Variants in PKNOX2 observed in about 807,000 individuals in gnomAD.
PKNOX2 encodes the protein homeobox protein PKNOX2.
A neutral mutation model predicts 53.1 loss-of-function variants in PKNOX2; 14 were observed. The observed-to-expected ratio is 0.26, with a 90% confidence interval of 0.17 to 0.41. PKNOX2 has a LOEUF of 0.41. Ranked by LOEUF, PKNOX2 falls within the 10% of genes least tolerant of loss-of-function variation. The pLI, the probability that PKNOX2 is intolerant of heterozygous loss-of-function variation, is 1.00. For synonymous variants in PKNOX2, 257 were observed against 242.8 expected (o/e 1.06, Z -0.54); for missense variants, 496 against 602.8 (o/e 0.82, Z 1.85).
At position 125,351,285 on chromosome 11, in the gene PKNOX2, T is replaced by C. The variant is rs1229246101; in HGVS notation, c.-21T>C. The C allele has an allele frequency of 1.3e-5, 20 of 1,487,670 alleles. No homozygotes were observed. Among genetic ancestry groups the C allele is most frequent in the Non-Finnish European group, 1.8e-5 (19 of 1,069,698 alleles). The allele number at this position is 1,487,670 out of a possible 1,614,324, so 92.2% of individuals were successfully genotyped here. On this transcript the variant is annotated splice_region_variant and 5_prime_UTR_variant, in exon 4 of 13. Coordinates refer to ENST00000298282, the MANE Select transcript of PKNOX2 (RefSeq NM_001382323.2). Reference sequence around the variant, plus strand: ...CGGCCCCCTTTCTCCTGCCCACAGGTCCTCCATGTGAATCAATCCCATGAT... The same window carrying C: ...CGGCCCCCTTTCTCCTGCCCACAGGCCCTCCATGTGAATCAATCCCATGAT...
In PKNOX2 at chr11:125,166,035, C is replaced by T. The variant is rs962963685; in HGVS notation, c.-201+1259C>T. ...AATTGAGGGGTAGGGGCTTGTGGAT[C>T]GGCCTGAATTAGGGCTGGGTTTTAG... On this transcript the variant is annotated intron_variant, in intron 1 of 12. Transcript: ENST00000298282. The surrounding 1 kb of genome is among the most constrained non-coding windows in gnomAD (Gnocchi z 4.0). 2.0e-5 allele frequency among the ~76,000 whole-genome samples: 3 copies of T among 151,944 alleles called. No homozygotes were observed. Among genetic ancestry groups the T allele is most frequent in the African/African-American group, 2.4e-5 (1 of 41,364 alleles).
At position 125,202,424 on chromosome 11, in the gene PKNOX2, C is replaced by T. The variant is rs556495436; in HGVS notation, c.-200-32621C>T. ...TTCTAGAGCCCATCCTTCCTCTTTA[C>T]CTCTCCCCTCAGACCCCATACCCTC... On this transcript the variant is annotated intron_variant, in intron 1 of 12. Transcript: ENST00000298282. Among the ~76,000 whole-genome samples the T allele has an allele frequency of 9.2e-5, 14 of 152,308 alleles. 1 individual carries two copies. The East Asian group carries it at 2.5e-3, about 27-fold the overall frequency.
At chr11:125,272,581 A>G (rs1273642803) in intron 2 of PKNOX2, among the ~76,000 whole-genome samples, 1 of 152,078 alleles carries the variant, frequency 6.6e-6, no homozygotes, top group Non-Finnish European at 1.5e-5. Flanking sequence ...TCCCTCTGTA[A>G]CATGGAGGAT....
chr11:125,363,987 A>G (rs1952055519), intron 4 of PKNOX2, among the ~76,000 whole-genome samples: 1 of 152,208 alleles, frequency 6.6e-6, no homozygotes. Context: ...AACATTTAAC[A>G]ATTGGCTTTC....
chr11:125,377,838 G>A (rs1952932727), intron 5 of PKNOX2, among the ~76,000 whole-genome samples: 1 of 152,198 alleles, frequency 6.6e-6, no homozygotes, highest in Non-Finnish European at 1.5e-5. Flanking sequence ...ATTTGCGTTG[G>A]GTCACATTTA....
chr11:125,289,053 C>T (rs868132556), intron 2 of PKNOX2, among the ~76,000 whole-genome samples: 12 of 152,208 alleles, frequency 7.9e-5, no homozygotes, highest in African/African-American at 2.7e-4. Flanking sequence ...TAGCAGGTGC[C>T]TTTTACCATT....
At chr11:125,278,247 G>A (rs1043904567) in intron 2 of PKNOX2, among the ~76,000 whole-genome samples, 2 of 151,890 alleles carry the variant, frequency 1.3e-5, no homozygotes, top group Non-Finnish European at 2.9e-5. Flanking sequence ...ACTGTAGTGG[G>A]AAGCAGGGAA....
chr11:125,188,905 C>T (rs1043292446), intron 1 of PKNOX2, among the ~76,000 whole-genome samples: 69 of 151,832 alleles, frequency 4.5e-4, no homozygotes, highest in African/African-American at 1.6e-3. Flanking sequence ...ACATAGTCCC[C>T]GTGAAAGGAC....
At chr11:125,237,921 A>T (rs1237524438) in intron 2 of PKNOX2, among the ~76,000 whole-genome samples, 3 of 152,164 alleles carry the variant, frequency 2.0e-5, no homozygotes, top group Non-Finnish European at 4.4e-5. Context: ...TAGGTTTCAC[A>T]CAAAGATTAG....
chr11:125,384,879 G>A (rs1953515562), intron 5 of PKNOX2, among the ~76,000 whole-genome samples: 2 of 152,154 alleles, frequency 1.3e-5, no homozygotes, highest in South Asian at 4.1e-4. Context: ...ACTAAGTCAG[G>A]TAGAGTCTCA....
chr11:125,351,176 A>G, intron 3 of PKNOX2, 108 bp from the exon 4 acceptor site: 1 of 714,044 alleles, frequency 1.4e-6, no homozygotes, highest in East Asian at 2.7e-5. Context: ...CCCTTGCCGC[A>G]TCCAGCCGGC....
At chr11:125,382,772 A>C (rs1953339290) in intron 5 of PKNOX2, among the ~76,000 whole-genome samples, 1 of 152,186 alleles carries the variant, frequency 6.6e-6, no homozygotes, top group South Asian at 2.1e-4. Context: ...GCTGCAAATG[A>C]AGACTTATAC....
chr11:125,258,165 C>A (rs568798667), intron 2 of PKNOX2, among the ~76,000 whole-genome samples: 1 of 152,340 alleles, frequency 6.6e-6, no homozygotes, highest in African/African-American at 2.4e-5. Flanking sequence ...CCCCTGCAAC[C>A]TCAGCTTCCT....
chr11:125,425,406 C>T (rs1298582044), intron 10 of PKNOX2, among the ~76,000 whole-genome samples: 1 of 152,190 alleles, frequency 6.6e-6, no homozygotes, highest in Admixed American at 6.5e-5. Flanking sequence ...CTTTTCCTTG[C>T]TTTTCATGAA....
intron 4 of PKNOX2, among the ~76,000 whole-genome samples, chr11:125,356,045 C>T (rs1204744002): frequency 1.4e-5 from 2 of 137,990 alleles, no homozygotes; most frequent in Non-Finnish European, 3.2e-5. Flanking sequence ...CCCCCCACAA[C>T]TTTTCCTCAA....
At chr11:125,184,360 T>C (rs1216510035) in intron 1 of PKNOX2, 6 of 152,320 alleles carry the variant, frequency 3.9e-5, no homozygotes, top group Middle Eastern at 3.4e-3. Context: ...TTTTCACATA[T>C]GGCAAAGGCC....
intron 5 of PKNOX2, among the ~76,000 whole-genome samples, chr11:125,380,260 G>A (rs959733935): frequency 6.6e-5 from 10 of 152,158 alleles, no homozygotes; most frequent in Admixed American, 2.0e-4. Context: ...GGCTGGAAAC[G>A]ACCTCTCTTC....
chr11:125,241,026 T>C (rs1426878404), intron 2 of PKNOX2, among the ~76,000 whole-genome samples: 2 of 152,362 alleles, frequency 1.3e-5, no homozygotes, highest in Middle Eastern at 3.4e-3. Context: ...AATGCTGCTG[T>C]GATATGCGGC....
chr11:125,324,617 A>G (rs1949727550), intron 2 of PKNOX2, among the ~76,000 whole-genome samples: 1 of 152,180 alleles, frequency 6.6e-6, no homozygotes, highest in Non-Finnish European at 1.5e-5. Context: ...AGTGGCTGGA[A>G]CGGTCCTCGT....
Sources: allele counts gnomAD v4.1 joint callset (sites outside exome capture counted in the v4.1 genomes callset), GRCh38; gene constraint gnomAD v4.1.1; non-coding constraint Gnocchi (gnomAD v3.1); transcripts MANE v1.5; gene names NCBI Gene and HGNC (gene_info 2026-07-23, HGNC 2026-07-21).